Variants in HDAC4 observed in about 807,000 individuals in gnomAD.
HDAC4 encodes the protein histone deacetylase A.
Under a neutral mutation model 135.1 loss-of-function variants are expected in HDAC4, and 16 were observed. The observed-to-expected ratio is 0.12, with a 90% CI of 0.08 to 0.18. HDAC4 has a LOEUF of 0.18. HDAC4 is among the 10% of genes least tolerant of loss of function. The pLI is 1.00. For synonymous variants in HDAC4, 685 were observed against 653.4 expected (o/e 1.05, Z -0.74); for missense variants, 1,143 against 1,511.8 (o/e 0.76, Z 4.05).
rs115996633 is a variant in HDAC4, at chr2:239,054,201, T to C, written c.3088+548A>G. 5.1e-3 allele frequency among the ~76,000 whole-genome samples: 775 copies of C among 152,138 alleles called. 10 individuals are homozygous for C. The highest frequency in any genetic ancestry group is 0.018 in the African/African-American group (730 of 41,506). On this transcript the variant is annotated intron_variant, in intron 25 of 26. Transcript: ENST00000543185. ...TGGACAGTCTCAACCATCTGGGTCA[T>C]CTCAAAGGCAAGACAAGCTGGGCTT...
At chr2:239,357,778 A>C (rs1693596511) in intron 1 of HDAC4, among the ~76,000 whole-genome samples, 1 of 150,426 alleles carries the variant, frequency 6.6e-6, no homozygotes, top group Admixed American at 6.6e-5. Context: ...AGTCCCAGCT[A>C]CTCGGGAGGC....
rs1470891965 is a variant in HDAC4 at position 239,068,213 on chromosome 2, C to A, written c.2869+276G>T. Among the ~76,000 whole-genome samples the A allele has an allele frequency of 6.6e-6, 1 of 152,172 alleles. No homozygotes were observed. Among genetic ancestry groups the A allele is most frequent in the Non-Finnish European group, 1.5e-5 (1 of 68,026 alleles). On this transcript the variant is annotated intron_variant, in intron 23 of 26. Coordinates refer to ENST00000543185, the MANE Select transcript of HDAC4 (RefSeq NM_001378414.1). The surrounding 1 kb of genome is among the most constrained non-coding windows in gnomAD (Gnocchi z 4.4). ...TGCCCCTGGAGGTGGCCTGCAGGTC[C>A]CTAGGCACCCGCATCCCAGAGAGGG...
chr2:239,244,344 G>C (rs868519503), intron 2 of HDAC4, among the ~76,000 whole-genome samples: 9 of 152,316 alleles, frequency 5.9e-5, no homozygotes, highest in African/African-American at 1.9e-4. Context: ...CAAACTGGCA[G>C]GTGTCTGTGA....
At chr2:239,207,884 T>G (rs2046133131) in intron 3 of HDAC4, among the ~76,000 whole-genome samples, 1 of 152,060 alleles carries the variant, frequency 6.6e-6, no homozygotes, top group Admixed American at 6.6e-5. Flanking sequence ...TTAAAAGAAC[T>G]GGGCAAAGTA....
chr2:239,311,344 C>T (rs569843347), intron 2 of HDAC4, among the ~76,000 whole-genome samples: 5 of 152,172 alleles, frequency 3.3e-5, no homozygotes, highest in African/African-American at 1.2e-4. Flanking sequence ...CCGGAGACAC[C>T]CGACGCTCAC....
chr2:239,200,116 G>A (rs1456913777), intron 3 of HDAC4, among the ~76,000 whole-genome samples: 1 of 152,042 alleles, frequency 6.6e-6, no homozygotes, highest in East Asian at 1.9e-4. Context: ...CTGGAGACTG[G>A]GGTAAGCGCT....
chr2:239,128,494 C>A (rs2040348906), intron 11 of HDAC4, among the ~76,000 whole-genome samples: 1 of 150,826 alleles, frequency 6.6e-6, no homozygotes, highest in Admixed American at 6.6e-5. Flanking sequence ...TGCCACTGCA[C>A]TTCAGCCTGG....
chr2:239,316,166 G>C (rs1335484823), intron 2 of HDAC4, among the ~76,000 whole-genome samples: 2 of 152,166 alleles, frequency 1.3e-5, no homozygotes, highest in African/African-American at 4.8e-5. Context: ...AAGCCCCGTG[G>C]GAATAGGCTC....
chr2:239,263,850 C>G (rs1408896188), intron 2 of HDAC4, among the ~76,000 whole-genome samples: 1 of 152,156 alleles, frequency 6.6e-6, no homozygotes, highest in African/African-American at 2.4e-5. Context: ...TCCTGCTGCT[C>G]GATCTAAGCT....
chr2:239,054,858 A>G (rs771503333), intron 24 of HDAC4, 25 bp from the exon 25 acceptor site: 1 of 1,476,390 alleles, frequency 6.8e-7, no homozygotes, highest in Admixed American at 1.7e-5. Context: ...ATAAGAATAT[A>G]AAGACTGCCA....
Position 239,331,763 on chromosome 2 carries a change from G to A in HDAC4, c.22+20915C>T, listed in dbSNP as rs1164055591. ...TGCAATCTAAAACACGGCGATGCAC[G>A]AGGAGCCCAGGCCTGGGAGAGAAGG... On this transcript the variant is annotated intron_variant, in intron 2 of 26. Coordinates refer to ENST00000543185, the MANE Select transcript of HDAC4 (RefSeq NM_001378414.1). This position sits in a 1 kb window ranked among gnomAD's most constrained non-coding sequence, Gnocchi z 4.5. Among the ~76,000 whole-genome samples the A allele has an allele frequency of 2.0e-5, 3 of 152,128 alleles. No homozygotes were observed. Among genetic ancestry groups the A allele is most frequent in the African/African-American group, 4.8e-5 (2 of 41,420 alleles).
chr2:239,152,503 C>A (rs900940201), intron 7 of HDAC4, among the ~76,000 whole-genome samples: 1 of 152,224 alleles, frequency 6.6e-6, no homozygotes. Context: ...AGGAAAGGGG[C>A]GGGGCCTCTG....
chr2:239,096,207 C>T (rs779502050), intron 16 of HDAC4, among the ~76,000 whole-genome samples: 1 of 152,128 alleles, frequency 6.6e-6, no homozygotes, highest in Non-Finnish European at 1.5e-5. Flanking sequence ...AGGAACCCTT[C>T]CTCAGGGAAC....
chr2:239,121,647 G>A (rs1043084382), intron 12 of HDAC4, among the ~76,000 whole-genome samples: 4 of 152,214 alleles, frequency 2.6e-5, no homozygotes, highest in Admixed American at 6.5e-5. Context: ...CACGCCCCTC[G>A]GCCTGGAGGA....
At chr2:239,375,833 C>T (rs945524218) in intron 1 of HDAC4, among the ~76,000 whole-genome samples, 1 of 152,236 alleles carries the variant, frequency 6.6e-6, no homozygotes, top group African/African-American at 2.4e-5. Context: ...CCCCCGACTG[C>T]AGGCAATCTT....
rs577445793 is a variant in HDAC4, at chr2:239,100,133, C to A, written c.2233+2643G>T. Among the ~76,000 whole-genome samples, 283 of 152,356 alleles carry A rather than the reference C, an allele frequency of 1.9e-3. 3 individuals carry two copies. The highest frequency in any genetic ancestry group is 6.6e-3 in the African/African-American group (274 of 41,594). ...TTTCTCCCTAAGAGGGTCTTTCTTA[C>A]CCCTGGTGGGTCCCTGCAGCCCAGA... On this transcript the variant is annotated intron_variant, in intron 16 of 26. Transcript: ENST00000543185.
Position 239,352,913 on chromosome 2 carries a change from A to G in HDAC4, c.-214T>C. Reference sequence around the variant, plus strand: ...CAGAGGCGTCCGCTGGCTTCTGCAGATGAACCTGCAAGGTCAGAAGGAGAA... The same window carrying G: ...CAGAGGCGTCCGCTGGCTTCTGCAGGTGAACCTGCAAGGTCAGAAGGAGAA... On this transcript the variant is annotated 5_prime_UTR_variant, in exon 2 of 27. Coordinates refer to ENST00000543185, the MANE Select transcript of HDAC4 (RefSeq NM_001378414.1). The surrounding 1 kb of genome is among the most constrained non-coding windows in gnomAD (Gnocchi z 4.4). 1.7e-6 allele frequency: 1 copy of G among 595,524 alleles called. No homozygotes were observed. Among genetic ancestry groups the G allele is most frequent in the Non-Finnish European group, 3.0e-6 (1 of 332,062 alleles). 36.9% of individuals were successfully genotyped at this position (595,524 alleles called of 1,614,324 possible).
At chr2:239,126,001 G>C (rs1371700612) in intron 12 of HDAC4, among the ~76,000 whole-genome samples, 1 of 152,234 alleles carries the variant, frequency 6.6e-6, no homozygotes, top group Non-Finnish European at 1.5e-5. Context: ...GGATGGCCTG[G>C]GAGATGGGCA....
chr2:239,244,278 A>G (rs1206961797), intron 2 of HDAC4, among the ~76,000 whole-genome samples: 2 of 152,198 alleles, frequency 1.3e-5, no homozygotes, highest in African/African-American at 4.8e-5. Flanking sequence ...GGAGGGACGG[A>G]AAACTCCTTC....
Sources: gnomAD v4.1 joint callset for allele counts (sites outside exome capture counted in the v4.1 genomes callset) on GRCh38, gnomAD v4.1.1 for gene constraint, Gnocchi (gnomAD v3.1) non-coding constraint, MANE v1.5 for transcripts, NCBI Gene and HGNC (gene_info 2026-07-23, HGNC 2026-07-21) for gene names.